PTPN14: variants seen among roughly 807,000 people sequenced by gnomAD.
PTPN14 encodes tyrosine-protein phosphatase non-receptor type 14.
Under a neutral mutation model 126.8 loss-of-function variants are expected in PTPN14, and 53 were observed. That is an observed-to-expected ratio of 0.42 (90% CI 0.34 to 0.53). The LOEUF (loss-of-function observed/expected upper bound fraction) is 0.53, where lower values mean the gene tolerates loss of function less well. Among genes scored for constraint, PTPN14 ranks in the 20% least tolerant of loss-of-function variants. The pLI, the probability that PTPN14 is intolerant of heterozygous loss-of-function variation, is 0.08. For synonymous variants in PTPN14, 630 were observed against 599.3 expected, an observed-to-expected ratio of 1.05 and a Z score of -0.75; for missense variants, 1,257 against 1,552.9, an observed-to-expected ratio of 0.81 and a Z score of 3.20.
At chr1:214,550,967 C>A (rs1179120239) in intron 1 of PTPN14, among the ~76,000 whole-genome samples, 1 of 152,208 alleles carries the variant, frequency 6.6e-6, no homozygotes, top group Non-Finnish European at 1.5e-5. Context: ...AGCTCGCTCC[C>A]GGGACCAGCT....
At chr1:214,527,778 T>C (rs954654285) in intron 1 of PTPN14, among the ~76,000 whole-genome samples, 1 of 152,224 alleles carries the variant, frequency 6.6e-6, no homozygotes, top group African/African-American at 2.4e-5. Flanking sequence ...AGAAAGTAGG[T>C]AAGCTGAACT....
chr1:214,522,701 T>C (rs1332434183), intron 1 of PTPN14, among the ~76,000 whole-genome samples: 1 of 152,008 alleles, frequency 6.6e-6, no homozygotes, highest in African/African-American at 2.4e-5. Context: ...CCGTTTTAAA[T>C]AAAGGACAAG....
At chr1:214,532,589 T>A in intron 1 of PTPN14, 1 of 1,032,276 alleles carries the variant, frequency 9.7e-7, no homozygotes, top group Non-Finnish European at 1.5e-6. Context: ...ATCGAGGACC[T>A]GAGGGCTCAG....
chr1:214,547,543 C>G (rs1298016594), intron 1 of PTPN14, among the ~76,000 whole-genome samples: 1 of 152,178 alleles, frequency 6.6e-6, no homozygotes, highest in East Asian at 1.9e-4. Flanking sequence ...TAACCAGTGG[C>G]TGGCATTACA....
chr1:214,449,754 T>TAG (rs1558107489), intron 3 of PTPN14, among the ~76,000 whole-genome samples: 1 of 152,020 alleles, frequency 6.6e-6, no homozygotes, highest in Non-Finnish European at 1.5e-5. Context: ...AACTGAACAC[T>TAG]AGGTTTTTTG....
Position 214,513,683 on chromosome 1 carries a change from G to C in PTPN14, c.-155+37500C>G, listed in dbSNP as rs948265451. Reference sequence around the variant, plus strand: ...GGGCTTCCAAGTCAGATTTCACAAAGTTCGAATCCCACATCTGCTACTGCT... The same window carrying C: ...GGGCTTCCAAGTCAGATTTCACAAACTTCGAATCCCACATCTGCTACTGCT... On this transcript the variant is annotated intron_variant, in intron 1 of 18. Coordinates refer to ENST00000366956, the MANE Select transcript of PTPN14 (RefSeq NM_005401.5). Among the ~76,000 whole-genome samples the C allele has an allele frequency of 1.2e-4, 18 of 151,976 alleles. 1 individual carries two copies. Among genetic ancestry groups the C allele is most frequent in the Admixed American group, 3.9e-4 (6 of 15,254 alleles).
intron 1 of PTPN14, among the ~76,000 whole-genome samples, chr1:214,505,641 AC>A (rs1654822781): frequency 6.6e-6 from 1 of 152,160 alleles, no homozygotes; most frequent in Non-Finnish European, 1.5e-5. Flanking sequence ...CACGCCTGTA[AC>A]CCCAAAACTT....
At chr1:214,503,402 TG>T (rs1201574790) in intron 1 of PTPN14, among the ~76,000 whole-genome samples, 20 of 152,368 alleles carry the variant, frequency 1.3e-4, no homozygotes, top group African/African-American at 4.8e-4. Context: ...TAGAAGAGAC[TG>T]AAGCCAGAAT....
intron 1 of PTPN14, among the ~76,000 whole-genome samples, chr1:214,471,214 A>G (rs1660751957): frequency 6.6e-6 from 1 of 152,092 alleles, no homozygotes; most frequent in Non-Finnish European, 1.5e-5. Flanking sequence ...GTCTCAGTAA[A>G]GCAACTGGAA....
chr1:214,521,883 G>T (rs1011312973), intron 1 of PTPN14, among the ~76,000 whole-genome samples: 1 of 146,532 alleles, frequency 6.8e-6, no homozygotes, highest in African/African-American at 2.5e-5. Context: ...TGTTTCATAA[G>T]ATTTTTGTTG....
At chr1:214,416,278 A>T (rs1202607285) in intron 3 of PTPN14, among the ~76,000 whole-genome samples, 1 of 152,196 alleles carries the variant, frequency 6.6e-6, no homozygotes, top group Admixed American at 6.5e-5. Flanking sequence ...CAAGGAGTAA[A>T]ACATCTGAAA....
intron 1 of PTPN14, among the ~76,000 whole-genome samples, chr1:214,527,171 C>T (rs1232954717): frequency 6.6e-6 from 1 of 152,040 alleles, no homozygotes; most frequent in Non-Finnish European, 1.5e-5. Flanking sequence ...AAGCCCCCAC[C>T]TTCTGCAGAG....
chr1:214,511,173 G>A (rs1654964716), intron 1 of PTPN14, among the ~76,000 whole-genome samples: 1 of 152,116 alleles, frequency 6.6e-6, no homozygotes, highest in African/African-American at 2.4e-5. Context: ...ATAAGCCACT[G>A]CTAGTTGCTG....
chr1:214,404,601 AAGGTAC>A (rs1415022704), intron 5 of PTPN14, among the ~76,000 whole-genome samples: 2 of 152,124 alleles, frequency 1.3e-5, no homozygotes, highest in Non-Finnish European at 2.9e-5. Flanking sequence ...AAGAAGCCCA[AAGGTAC>A]CCCCTCTGCT....
At chr1:214,473,018 G>T (rs1250194224) in intron 1 of PTPN14, among the ~76,000 whole-genome samples, 1 of 152,186 alleles carries the variant, frequency 6.6e-6, no homozygotes, top group Non-Finnish European at 1.5e-5. Flanking sequence ...AGAACATACA[G>T]AAAACCTTCA....
chr1:214,403,435 T>C (rs1659083481), intron 5 of PTPN14, among the ~76,000 whole-genome samples: 2 of 152,164 alleles, frequency 1.3e-5, no homozygotes. Flanking sequence ...CTCATTCTGA[T>C]GTTACTTGAT....
intron 1 of PTPN14, among the ~76,000 whole-genome samples, chr1:214,469,025 T>A (rs1660699123): frequency 6.6e-6 from 1 of 152,190 alleles, no homozygotes; most frequent in Non-Finnish European, 1.5e-5. Flanking sequence ...CTCATGACAT[T>A]TTCACCCAGA....
rs780730066 is a variant in PTPN14, at chr1:214,357,914, T to C, written c.*8A>G. On this transcript the variant is annotated 3_prime_UTR_variant, in exon 19 of 19. Coordinates refer to ENST00000366956, the MANE Select transcript of PTPN14 (RefSeq NM_005401.5). ...TGGGTCCCTCCTCCAGGAGCTGGAT[T>C]GGGGTGATTAAATGAGTCTGGAGTT... 50 of 1,610,842 alleles carry C rather than the reference T, an allele frequency of 3.1e-5. No homozygotes were observed. Among genetic ancestry groups the C allele is most frequent in the Non-Finnish European group, 4.1e-5 (48 of 1,178,098 alleles).
In PTPN14 at chr1:214,534,743, A is replaced by AAATAAATAAATAAATAAATAAAT. The variant is rs1487444233; in HGVS notation, c.-155+16439_-155+16440insATTTATTTATTTATTTATTTATT. On this transcript the variant is annotated intron_variant, in intron 1 of 18. Coordinates refer to ENST00000366956, the MANE Select transcript of PTPN14 (RefSeq NM_005401.5). ...ATAAATAAATAAATAAATAAATAAAAGACGGAATTATTGATCCCGAATCTT... is the reference window on the plus strand; with the variant it reads ...ATAAATAAATAAATAAATAAATAAAAAATAAATAAATAAATAAATAAATGACGGAATTATTGATCCCGAATCTT... Among the ~76,000 whole-genome samples the AAATAAATAAATAAATAAATAAAT allele has an allele frequency of 3.9e-3, 123 of 31,182 alleles. 1 individual carries two copies. Among genetic ancestry groups the AAATAAATAAATAAATAAATAAAT allele is most frequent in the African/African-American group, 0.019 (118 of 6,186 alleles). 20.5% of individuals were successfully genotyped at this position (31,182 alleles called of 152,430 possible).
Sources: allele counts gnomAD v4.1 joint callset (sites outside exome capture counted in the v4.1 genomes callset), GRCh38; gene constraint gnomAD v4.1.1; transcripts MANE v1.5; gene names NCBI Gene and HGNC (gene_info 2026-07-23, HGNC 2026-07-21).